The following CDH2 variants were observed in gnomAD, a reference collection of about 807,000 sequenced individuals.
CDH2 encodes cadherin-2.
In CDH2, 17 loss-of-function variants were observed where a neutral mutation model predicts 92.0. The observed-to-expected ratio is 0.18, with a 90% CI of 0.13 to 0.28. The LOEUF (loss-of-function observed/expected upper bound fraction) is 0.28, where lower values mean the gene tolerates loss of function less well. Ranked by LOEUF, CDH2 falls within the 10% of genes least tolerant of loss-of-function variation. CDH2 has a pLI of 1.00. For synonymous variants in CDH2, 419 were observed against 415.9 expected (o/e 1.01, Z -0.09); for missense variants, 862 against 1,133.1 (o/e 0.76, Z 3.44).
At position 27,963,495 on chromosome 18, in the gene CDH2, C is replaced by T; in HGVS notation, c.2376G>A (p.Gln792=). Residue 792 remains glutamine (Q), a synonymous_variant, in exon 15 of 16, where the codon CAG becomes CAA. Coordinates refer to ENST00000269141, the MANE Select transcript of CDH2 (RefSeq NM_001792.5). The part of the protein sequence containing the change: ...DQDYDLSQLQ[Q]PDTVEPDAIK... ...TGGCATCAGGCTCCACAGTGTCAGGCTGCTGCAGCTGGCTCAAGTCATAGT... is the reference window on the plus strand; with the variant it reads ...TGGCATCAGGCTCCACAGTGTCAGGTTGCTGCAGCTGGCTCAAGTCATAGT... 1 of 1,614,050 alleles carries T rather than the reference C, an allele frequency of 6.2e-7. No individual in the cohort carries two copies.
rs1041863592 is a variant in CDH2 at position 28,177,086 on chromosome 18, G to T, written c.-64C>A. On this transcript the variant is annotated 5_prime_UTR_variant, in exon 1 of 16. Transcript: ENST00000269141. ...GGCGGCGGCGGCGGCGGCGGCGGAG[G>T]AGGAGGAGGCAGCGGCAGCACCAAC... is the stretch of plus-strand genomic sequence containing the variant. 2.3e-6 allele frequency: 3 copies of T among 1,290,978 alleles called. No homozygotes were observed. In the Admixed American group the frequency reaches 6.6e-5, roughly 28 times the overall value. 80.0% of individuals were successfully genotyped at this position (1,290,978 alleles called of 1,614,324 possible). A position where few individuals can be genotyped will look rare whatever the true frequency, so the allele number is the denominator to read the frequency against.
intron 2 of CDH2, among the ~76,000 whole-genome samples, chr18:28,079,976 G>A (rs2144187985): frequency 6.6e-6 from 1 of 152,250 alleles, no homozygotes; most frequent in East Asian, 1.9e-4. Context: ...TTTAACACAT[G>A]AATTGAAATT....
chr18:28,000,850 G>A (rs1007406231), intron 7 of CDH2, among the ~76,000 whole-genome samples: 1 of 151,434 alleles, frequency 6.6e-6, no homozygotes, highest in Non-Finnish European at 1.5e-5. Context: ...GAGAGCACGA[G>A]AACACACATT....
chr18:28,164,383 G>A (rs1473569247), intron 1 of CDH2, among the ~76,000 whole-genome samples: 2 of 152,108 alleles, frequency 1.3e-5, no homozygotes, highest in Non-Finnish European at 2.9e-5. Context: ...TTTGAACCAC[G>A]TGTGGTACAT....
At chr18:28,025,636 AC>A (rs1281275722) in intron 2 of CDH2, among the ~76,000 whole-genome samples, 17 of 151,458 alleles carry the variant, frequency 1.1e-4, no homozygotes, top group Non-Finnish European at 2.4e-4. Context: ...ACATAATTAT[AC>A]ATACTTATAG....
intron 2 of CDH2, among the ~76,000 whole-genome samples, chr18:28,017,820 G>A (rs1056523694): frequency 6.6e-6 from 1 of 152,046 alleles, no homozygotes; most frequent in Admixed American, 6.6e-5. Flanking sequence ...ATTGAATGGG[G>A]AAAAGTTGAA....
intron 6 of CDH2, 116 bp downstream of exon 6, chr18:28,005,733 T>C: frequency 1.5e-6 from 1 of 660,480 alleles, no homozygotes; most frequent in East Asian, 2.8e-5. Context: ...GCATTATGAA[T>C]GAAAGAAAAG....
chr18:28,159,664 T>G (rs892086765), intron 1 of CDH2, among the ~76,000 whole-genome samples: 4 of 151,644 alleles, frequency 2.6e-5, no homozygotes, highest in Admixed American at 6.6e-5. Flanking sequence ...TTTTGTTTTT[T>G]TTTTTTTTTT....
At chr18:28,168,024 G>A (rs1445723402) in intron 1 of CDH2, among the ~76,000 whole-genome samples, 2 of 152,138 alleles carry the variant, frequency 1.3e-5, no homozygotes, top group Non-Finnish European at 2.9e-5. Flanking sequence ...ATAACAAAGT[G>A]GTCACAGTTT....
At chr18:28,119,661 G>A (rs1404596371) in intron 2 of CDH2, among the ~76,000 whole-genome samples, 3 of 152,094 alleles carry the variant, frequency 2.0e-5, no homozygotes, top group Non-Finnish European at 2.9e-5. Flanking sequence ...CCCTAGGACT[G>A]AAACTGTAAC....
intron 2 of CDH2, among the ~76,000 whole-genome samples, chr18:28,062,769 T>C (rs1480784009): frequency 1.3e-5 from 2 of 151,920 alleles, no homozygotes; most frequent in African/African-American, 4.8e-5. Context: ...AGGTCAGGAG[T>C]TTGAGACCAG....
intron 2 of CDH2, among the ~76,000 whole-genome samples, chr18:28,084,026 T>G (rs1457197580): frequency 6.6e-6 from 1 of 152,200 alleles, no homozygotes; most frequent in African/African-American, 2.4e-5. Context: ...AAGTCTGTCC[T>G]GGGTAGCCAG....
chr18:28,033,787 G>A (rs149769137), intron 2 of CDH2, among the ~76,000 whole-genome samples: 2 of 152,150 alleles, frequency 1.3e-5, no homozygotes, highest in East Asian at 1.9e-4. Context: ...ATAAATTATA[G>A]TCCAGCCAAC....
intron 15 of CDH2, among the ~76,000 whole-genome samples, chr18:27,955,761 GTTTTTTT>G (rs5823568): frequency 2.9e-4 from 32 of 111,704 alleles, no homozygotes; most frequent in Middle Eastern, 5.9e-3. Context: ...CTTTATTTCT[GTTTTTTT>G]TTTTTTTTTT....
At chr18:27,961,367 C>T (rs181649294) in intron 15 of CDH2, among the ~76,000 whole-genome samples, 6 of 151,942 alleles carry the variant, frequency 3.9e-5, no homozygotes, top group Admixed American at 2.0e-4. Context: ...GACAGTTACA[C>T]CCCAGCTGGT....
At chr18:28,043,461 A>AATAAATATATATATATAT (rs1305925743) in intron 2 of CDH2, among the ~76,000 whole-genome samples, 1 of 71,992 alleles carries the variant, frequency 1.4e-5, no homozygotes, top group African/African-American at 5.8e-5. Context: ...GATATAAATA[A>AATAAATATATATATATAT]ATATATATAT....
intron 1 of CDH2, among the ~76,000 whole-genome samples, chr18:28,163,725 A>G (rs1408258619): frequency 1.3e-5 from 2 of 152,246 alleles, no homozygotes; most frequent in African/African-American, 2.4e-5. Context: ...TCTTATAAAC[A>G]TAACGCTGAG....
intron 14 of CDH2, among the ~76,000 whole-genome samples, chr18:27,978,480 C>G (rs1217095129): frequency 6.6e-6 from 1 of 152,070 alleles, no homozygotes; most frequent in Non-Finnish European, 1.5e-5. Flanking sequence ...CCAAGGGGTG[C>G]TGGATATTCA....
chr18:27,990,199 G>A lies in CDH2; in HGVS notation c.1496C>T (p.Pro499Leu). 6.2e-7 allele frequency: 1 copy of A among 1,614,062 alleles called. No individual in the cohort carries two copies. Among genetic ancestry groups the A allele is most frequent in the East Asian group, 2.2e-5 (1 of 44,864 alleles). Reference sequence around the variant, plus strand: ...TTCTTGGCGAATGATCTTAGGATTGGGGGCAAAATAAGGGTTTTCATTTAC... The same window carrying A: ...TTCTTGGCGAATGATCTTAGGATTGAGGGCAAAATAAGGGTTTTCATTTAC... ...IDVNENPYFA[P>L]NPKIIRQEEG... Residue 499 changes from proline (P) to leucine (L), a missense_variant, in exon 10 of 16, where the codon CCC becomes CTC. Pro to Leu is a moderately conservative substitution (Grantham distance 98, BLOSUM62 -3). This residue lies in a region of CDH2 where 564 missense variants were observed against 722.2 expected (regional missense o/e 0.78). Transcript: ENST00000269141.
Sources: allele counts gnomAD v4.1 joint callset (sites outside exome capture counted in the v4.1 genomes callset), GRCh38; gene constraint gnomAD v4.1.1; regional missense constraint gnomAD v4.1.1; transcripts MANE v1.5; gene names NCBI Gene and HGNC (gene_info 2026-07-23, HGNC 2026-07-21).